EPSTI1: variants seen among roughly 807,000 people sequenced by gnomAD.
EPSTI1 encodes the protein epithelial-stromal interaction protein 1.
In EPSTI1, 66 loss-of-function variants were observed where a neutral mutation model predicts 49.9. The observed-to-expected ratio is 1.32, with a 90% CI of 1.08 to 1.62. The LOEUF (loss-of-function observed/expected upper bound fraction) is 1.62. EPSTI1 is among the 40% of genes most tolerant of loss of function. EPSTI1 has a pLI of 0.00. For synonymous variants in EPSTI1, 137 were observed against 130.7 expected (o/e 1.05, Z -0.33); for missense variants, 394 against 365.5 (o/e 1.08, Z -0.64).
intron 1 of EPSTI1, among the ~76,000 whole-genome samples, chr13:42,986,658 T>C (rs1412456592): frequency 6.8e-6 from 1 of 146,584 alleles, no homozygotes. Flanking sequence ...GGCAGGAGAA[T>C]TGCTTGAATC....
intron 1 of EPSTI1, among the ~76,000 whole-genome samples, chr13:42,983,241 A>G (rs1415220777): frequency 6.6e-6 from 1 of 152,156 alleles, no homozygotes; most frequent in Non-Finnish European, 1.5e-5. Context: ...TCTTTAGCCT[A>G]TAGAACTTCT....
chr13:42,962,701 C>T (rs1379562864), intron 5 of EPSTI1, among the ~76,000 whole-genome samples: 1 of 151,838 alleles, frequency 6.6e-6, no homozygotes, highest in Non-Finnish European at 1.5e-5. Context: ...GACTGCCTGA[C>T]CCCAGGAGAC....
intron 8 of EPSTI1, among the ~76,000 whole-genome samples, chr13:42,911,262 TGTGCGCGCGC>T (rs2037668939): frequency 1.7e-5 from 2 of 116,230 alleles, no homozygotes; most frequent in Admixed American, 9.2e-5. Context: ...TGTGTGTGTG[TGTGCGCGCGC>T]ACGCGCGCAC....
intron 1 of EPSTI1, among the ~76,000 whole-genome samples, chr13:42,972,106 A>G (rs1034844347): frequency 6.6e-6 from 1 of 152,224 alleles, no homozygotes; most frequent in African/African-American, 2.4e-5. Context: ...GCCATGCTAC[A>G]GAGACTGAAA....
At chr13:42,956,719 C>G (rs2039284547) in intron 5 of EPSTI1, among the ~76,000 whole-genome samples, 1 of 152,096 alleles carries the variant, frequency 6.6e-6, no homozygotes, top group Non-Finnish European at 1.5e-5. Context: ...TAACCCTGGA[C>G]AGGAAAGGGG....
Position 42,943,503 on chromosome 13 carries a change from G to A in EPSTI1, c.563+10445C>T, listed in dbSNP as rs570851098. Reference sequence around the variant, plus strand: ...TACCCCAGGCTATATGTGAGGAAACGAGGCCCCAAGAGGTTAAATAATGTC... The same window carrying A: ...TACCCCAGGCTATATGTGAGGAAACAAGGCCCCAAGAGGTTAAATAATGTC... On this transcript the variant is annotated intron_variant, in intron 6 of 10. Transcript: ENST00000313624. Among the ~76,000 whole-genome samples, 9 of 152,214 alleles carry A rather than the reference G, an allele frequency of 5.9e-5. No homozygotes were observed. In the South Asian group the frequency reaches 1.2e-3, roughly 21 times the overall value.
intron 6 of EPSTI1, among the ~76,000 whole-genome samples, chr13:42,947,379 A>G (rs990422077): frequency 3.3e-5 from 5 of 152,174 alleles, no homozygotes; most frequent in Non-Finnish European, 7.3e-5. Context: ...CGATGGTTAA[A>G]ATATGAAAAT....
At chr13:42,954,280 T>C (rs540449712) in intron 5 of EPSTI1, among the ~76,000 whole-genome samples, 10 of 152,352 alleles carry the variant, frequency 6.6e-5, no homozygotes, top group African/African-American at 2.4e-4. Context: ...TTTGCGTTTT[T>C]ATTCTTTAGT....
At chr13:42,937,630 G>A (rs762085198) in intron 6 of EPSTI1, among the ~76,000 whole-genome samples, 6 of 152,122 alleles carry the variant, frequency 3.9e-5, no homozygotes, top group South Asian at 2.1e-4. Context: ...CTCCTCATCC[G>A]TTGAAGTTTG....
intron 5 of EPSTI1, among the ~76,000 whole-genome samples, chr13:42,956,547 C>T (rs751270174): frequency 6.6e-6 from 1 of 152,140 alleles, no homozygotes; most frequent in Non-Finnish European, 1.5e-5. Context: ...TTCAGCTCAC[C>T]AAGATTTGTA....
At chr13:42,902,671 G>A (rs2037394092) in intron 8 of EPSTI1, among the ~76,000 whole-genome samples, 1 of 152,134 alleles carries the variant, frequency 6.6e-6, no homozygotes, top group South Asian at 2.1e-4. Flanking sequence ...TGTATTATTT[G>A]ATCCTAACAA....
At chr13:42,943,912 GA>G (rs550355550) in intron 6 of EPSTI1, among the ~76,000 whole-genome samples, 235 of 152,162 alleles carry the variant, frequency 1.5e-3, no homozygotes, top group African/African-American at 4.8e-3. Context: ...ACAAACATAT[GA>G]AAAAAAGCTC....
At chr13:42,894,311 T>C (rs913033928) in intron 10 of EPSTI1, among the ~76,000 whole-genome samples, 5 of 152,062 alleles carry the variant, frequency 3.3e-5, no homozygotes, top group African/African-American at 4.8e-5. Context: ...ATAAAGGGAG[T>C]GAGTGAGAGA....
intron 6 of EPSTI1, among the ~76,000 whole-genome samples, chr13:42,935,133 C>A (rs919869004): frequency 1.3e-5 from 2 of 152,218 alleles, no homozygotes; most frequent in African/African-American, 4.8e-5. Flanking sequence ...AATTATCTGA[C>A]AAATTCCATT....
intron 1 of EPSTI1, among the ~76,000 whole-genome samples, chr13:42,977,321 C>G (rs1207670692): frequency 6.6e-6 from 1 of 152,188 alleles, no homozygotes; most frequent in African/African-American, 2.4e-5. Context: ...CTCACTTCCT[C>G]CTTGCTAATA....
At position 42,966,818 on chromosome 13, in the gene EPSTI1, C is replaced by T. The variant is rs1280092746; in HGVS notation, c.331+2276G>A. On this transcript the variant is annotated intron_variant, in intron 3 of 10. Transcript: ENST00000313624. ...TGAGAACGGGCCAGGATGACAATGGCGGCTTTGTGGAATAGAAAGGCGGGA... is the reference window on the plus strand; with the variant it reads ...TGAGAACGGGCCAGGATGACAATGGTGGCTTTGTGGAATAGAAAGGCGGGA... Among the ~76,000 whole-genome samples, 21 of 82,428 alleles carry T rather than the reference C, an allele frequency of 2.5e-4. 4 individuals carry two copies. Among genetic ancestry groups the T allele is most frequent in the African/African-American group, 7.8e-4 (21 of 26,936 alleles). The allele number at this position is 82,428 out of a possible 152,430, so 54.1% of individuals were successfully genotyped here.
intron 8 of EPSTI1, among the ~76,000 whole-genome samples, chr13:42,901,741 A>G (rs2037358716): frequency 6.6e-6 from 1 of 152,188 alleles, no homozygotes; most frequent in African/African-American, 2.4e-5. Flanking sequence ...TCTTCTTAAT[A>G]GTATGCATGT....
At position 42,969,185 on chromosome 13, in the gene EPSTI1, A is replaced by T; in HGVS notation, c.248-8T>A. 1.2e-6 allele frequency: 2 copies of T among 1,613,514 alleles called. No homozygotes were observed. Among genetic ancestry groups the T allele is most frequent in the South Asian group, 1.1e-5 (1 of 91,012 alleles). ...CCAGCTCCTGCTCCGCAACTAAGCC[A>T]GGCGAGAAATATCAAATCGTCAATT... On this transcript the variant is annotated splice_region_variant and splice_polypyrimidine_tract_variant and intron_variant, in intron 2 of 10. Coordinates refer to ENST00000313624, the MANE Select transcript of EPSTI1 (RefSeq NM_033255.5).
chr13:42,984,086 T>C lies in EPSTI1; in HGVS notation c.188+7892A>G, dbSNP rs527434546. Among the ~76,000 whole-genome samples the C allele has an allele frequency of 1.2e-4, 19 of 152,372 alleles. No individual in the cohort carries two copies. In the South Asian group the frequency reaches 3.5e-3, roughly 28 times the overall value. Reference sequence around the variant, plus strand: ...TCATTAGGAAGAGTTAAATACTATCTGTTGCTTTATAAACTTTCTGCATGC... The same window carrying C: ...TCATTAGGAAGAGTTAAATACTATCCGTTGCTTTATAAACTTTCTGCATGC... On this transcript the variant is annotated intron_variant, in intron 1 of 10. Transcript: ENST00000313624.
Sources: gnomAD v4.1 joint callset for allele counts (sites outside exome capture counted in the v4.1 genomes callset) on GRCh38, gnomAD v4.1.1 for gene constraint, MANE v1.5 for transcripts, NCBI Gene and HGNC (gene_info 2026-07-23, HGNC 2026-07-21) for gene names.